The following SPMIP6 variants were observed in gnomAD, a reference collection of about 807,000 sequenced individuals.
The protein encoded by SPMIP6 is sperm microtubule inner protein 6, also known as ciliated bronchial epithelial protein 1.
At chr9:34,379,132 A>G in the SPMIP6 span, 3 of 1,613,944 alleles carry the variant, frequency 1.9e-6, no homozygotes, top group Admixed American at 1.7e-5. This position sits in a 1 kb window ranked among gnomAD's most constrained non-coding sequence, Gnocchi z 4.2. Flanking sequence ...TGGATAACAT[A>G]GTTGTTTCTC....
At chr9:34,381,376 A>T in the SPMIP6 span, 2 of 1,613,868 alleles carry the variant, frequency 1.2e-6, no homozygotes, top group Middle Eastern at 1.6e-4. The surrounding 1 kb of genome is among the most constrained non-coding windows in gnomAD (Gnocchi z 4.4). Flanking sequence ...TACCGTAGGC[A>T]TTGAGCCGCT....
chr9:34,389,665 G>A, the SPMIP6 span, among the ~76,000 whole-genome samples: 1 of 152,070 alleles, frequency 6.6e-6, no homozygotes, highest in Non-Finnish European at 1.5e-5. Flanking sequence ...ACGCCCGGTG[G>A]CACTGAATCT....
At chr9:34,386,890 G>A in the SPMIP6 span, among the ~76,000 whole-genome samples, 2 of 152,204 alleles carry the variant, frequency 1.3e-5, no homozygotes, top group Non-Finnish European at 2.9e-5. Flanking sequence ...TAGACCCACA[G>A]GTATCTGCAG....
At chr9:34,381,108 G>A in the SPMIP6 span, 4 of 1,604,590 alleles carry the variant, frequency 2.5e-6, no homozygotes, top group African/African-American at 5.3e-5. The surrounding 1 kb of genome is among the most constrained non-coding windows in gnomAD (Gnocchi z 4.4). Context: ...AGTGAGTTCA[G>A]CATGTTCACC....
the SPMIP6 span, among the ~76,000 whole-genome samples, chr9:34,379,991 G>T: frequency 6.6e-6 from 1 of 152,100 alleles, no homozygotes; most frequent in African/African-American, 2.4e-5. This position sits in a 1 kb window ranked among gnomAD's most constrained non-coding sequence, Gnocchi z 4.2. Flanking sequence ...GGCTCCGGGC[G>T]TTGAGGACCT....
the SPMIP6 span, chr9:34,381,840 T>A: frequency 1.1e-6 from 1 of 931,796 alleles, no homozygotes; most frequent in African/African-American, 1.8e-5. This position sits in a 1 kb window ranked among gnomAD's most constrained non-coding sequence, Gnocchi z 4.4. Context: ...GAAGTTCTAA[T>A]TCAAAAGGGT....
chr9:34,379,629 G>A, the SPMIP6 span: 1 of 1,609,688 alleles, frequency 6.2e-7, no homozygotes, highest in Non-Finnish European at 8.5e-7. This position sits in a 1 kb window ranked among gnomAD's most constrained non-coding sequence, Gnocchi z 4.2. Context: ...AAATGAGTGT[G>A]TGCGCGTTAG....
At chr9:34,395,359 G>A in the SPMIP6 span, among the ~76,000 whole-genome samples, 4 of 152,118 alleles carry the variant, frequency 2.6e-5, no homozygotes, top group African/African-American at 7.2e-5. Flanking sequence ...TACTACATCC[G>A]AGAGATTTCT....
At chr9:34,381,033 G>A in the SPMIP6 span, 1 of 1,611,768 alleles carries the variant, frequency 6.2e-7, no homozygotes, top group Non-Finnish European at 8.5e-7. This position sits in a 1 kb window ranked among gnomAD's most constrained non-coding sequence, Gnocchi z 4.4. Flanking sequence ...AAGGGCAGGC[G>A]GCCGGGCAGC....
the SPMIP6 span, among the ~76,000 whole-genome samples, chr9:34,395,537 A>G: frequency 1.3e-5 from 2 of 151,464 alleles, no homozygotes; most frequent in African/African-American, 2.4e-5. Context: ...GTCCTTGGCC[A>G]TTTTCTCTCT....
the SPMIP6 span, among the ~76,000 whole-genome samples, chr9:34,392,752 A>T: frequency 6.6e-6 from 1 of 152,320 alleles, no homozygotes; most frequent in Non-Finnish European, 1.5e-5. This position sits in a 1 kb window ranked among gnomAD's most constrained non-coding sequence, Gnocchi z 4.6. Flanking sequence ...ACTGGAACTC[A>T]TGAGGAGAAC....
chr9:34,381,566 C>G, the SPMIP6 span: 1 of 1,522,992 alleles, frequency 6.6e-7, no homozygotes, highest in Non-Finnish European at 8.8e-7. The surrounding 1 kb of genome is among the most constrained non-coding windows in gnomAD (Gnocchi z 4.4). Context: ...TCAGCAGCTC[C>G]CCACCTCTCC....
chr9:34,390,293 G>A, the SPMIP6 span, among the ~76,000 whole-genome samples: 1 of 151,946 alleles, frequency 6.6e-6, no homozygotes, highest in Non-Finnish European at 1.5e-5. Flanking sequence ...TTTTTATCAG[G>A]TTATATTTGC....
At chr9:34,384,032 A>C in the SPMIP6 span, among the ~76,000 whole-genome samples, 3 of 152,166 alleles carry the variant, frequency 2.0e-5, 1 homozygote, top group Non-Finnish European at 4.4e-5. Context: ...AAGGCCCTCC[A>C]TGATCCAACA....
chr9:34,395,088 G>A, the SPMIP6 span, among the ~76,000 whole-genome samples: 1 of 151,558 alleles, frequency 6.6e-6, no homozygotes, highest in East Asian at 1.9e-4. Context: ...TCAGCCTCCC[G>A]AGTAGCTGGG....
chr9:34,393,194 T>C, the SPMIP6 span, among the ~76,000 whole-genome samples: 1 of 152,260 alleles, frequency 6.6e-6, no homozygotes, highest in African/African-American at 2.4e-5. Context: ...CACCTAACTC[T>C]GTCCTGTTCC....
the SPMIP6 span, among the ~76,000 whole-genome samples, chr9:34,389,221 C>T: frequency 1.3e-5 from 2 of 152,122 alleles, no homozygotes; most frequent in East Asian, 3.9e-4. Context: ...AACCATTGCA[C>T]CTGGCTTTTA....
chr9:34,396,672 A>T, the SPMIP6 span, among the ~76,000 whole-genome samples: 1 of 151,906 alleles, frequency 6.6e-6, no homozygotes. Context: ...TTTTCTCCTG[A>T]CTGTCTTCTG....
At chr9:34,394,014 G>A in the SPMIP6 span, among the ~76,000 whole-genome samples, 2 of 151,938 alleles carry the variant, frequency 1.3e-5, no homozygotes, top group Non-Finnish European at 2.9e-5. Context: ...TAGAGACAAG[G>A]TCTCACTATG....
Sources: gnomAD v4.1 joint callset for allele counts (sites outside exome capture counted in the v4.1 genomes callset) on GRCh38, gnomAD v4.1.1 for gene constraint, Gnocchi (gnomAD v3.1) non-coding constraint, MANE v1.5 for transcripts, NCBI Gene and HGNC (gene_info 2026-07-23, HGNC 2026-07-21) for gene names.